The following RAB7A variants were observed in gnomAD, a reference collection of about 807,000 sequenced individuals.
The protein encoded by RAB7A is ras-related protein Rab-7a.
RAB7A carries 2 observed loss-of-function variants against 24.5 expected under a neutral mutation model. That is an observed-to-expected ratio of 0.08 (90% CI 0.03 to 0.26). The LOEUF (loss-of-function observed/expected upper bound fraction) is 0.26. RAB7A is among the 10% of genes least tolerant of loss of function. RAB7A has a pLI of 1.00. For missense variants in RAB7A, 118 were observed against 255.7 expected (o/e 0.46, Z 3.67); for synonymous variants, 100 against 95.9 (o/e 1.04, Z -0.25).
At chr3:128,762,636 T>G (rs1039015007) in intron 1 of RAB7A, among the ~76,000 whole-genome samples, 1 of 152,186 alleles carries the variant, frequency 6.6e-6, no homozygotes, top group African/African-American at 2.4e-5. Flanking sequence ...TTTGGAAGGT[T>G]TGCTTTGGGG....
intron 1 of RAB7A, among the ~76,000 whole-genome samples, chr3:128,768,969 CTTTTTTTTTTTTTTTT>C (rs35457218): frequency 2.8e-5 from 2 of 72,606 alleles, no homozygotes; most frequent in Admixed American, 1.9e-4. Flanking sequence ...TCTTTCTTTC[CTTTTTTTTTTTTTTTT>C]TTTTTTTTTT....
rs12489126 is a variant in RAB7A, at chr3:128,787,894, G to T, written c.-8-7466G>T. On this transcript the variant is annotated intron_variant, in intron 1 of 5. Coordinates refer to ENST00000265062, the MANE Select transcript of RAB7A (RefSeq NM_004637.6). The stretch of plus-strand genomic sequence containing the variant: ...GCCCAGGTAATGTATTAAATATTTT[G>T]TAGCGACTGGGTTTCAACATGTTGC... 0.02 allele frequency among the ~76,000 whole-genome samples: 2,988 copies of T among 152,262 alleles called. 401 individuals are homozygous for T. The East Asian group carries it at 0.38, about 19-fold the overall frequency.
At chr3:128,753,672 G>A (rs1238922876) in intron 1 of RAB7A, among the ~76,000 whole-genome samples, 1 of 152,144 alleles carries the variant, frequency 6.6e-6, no homozygotes, top group Non-Finnish European at 1.5e-5. Flanking sequence ...TTTCAAGATG[G>A]TCCCTTGTTT....
intron 1 of RAB7A, among the ~76,000 whole-genome samples, chr3:128,730,889 T>G (rs1158477628): frequency 6.6e-6 from 1 of 152,184 alleles, no homozygotes; most frequent in Non-Finnish European, 1.5e-5. Flanking sequence ...ACTTCTGGTG[T>G]CCTGGGACTG....
At chr3:128,798,425 G>A (rs1287288319) in intron 3 of RAB7A, 6 of 267,352 alleles carry the variant, frequency 2.2e-5, no homozygotes, top group Non-Finnish European at 4.4e-5. Context: ...CAGTGCTTTA[G>A]GTAAACATCT....
At chr3:128,802,032 C>T (rs902075409) in intron 3 of RAB7A, among the ~76,000 whole-genome samples, 1 of 152,154 alleles carries the variant, frequency 6.6e-6, no homozygotes, top group African/African-American at 2.4e-5. Context: ...AATAACCCTC[C>T]TGAATGAAAG....
chr3:128,809,620 C>A (rs1395538482), intron 5 of RAB7A, among the ~76,000 whole-genome samples: 1 of 152,160 alleles, frequency 6.6e-6, no homozygotes, highest in Non-Finnish European at 1.5e-5. Context: ...TTGGTTATGT[C>A]ATTTTAAGTT....
At chr3:128,793,063 G>A (rs1354665476) in intron 1 of RAB7A, among the ~76,000 whole-genome samples, 5 of 143,204 alleles carry the variant, frequency 3.5e-5, no homozygotes, top group African/African-American at 1.3e-4. Flanking sequence ...TCGCTCTGTC[G>A]CCTAGGCTGG....
At chr3:128,765,757 CTT>C (rs57347555) in intron 1 of RAB7A, among the ~76,000 whole-genome samples, 37,987 of 134,026 alleles carry the variant, frequency 0.28, 6,837 homozygotes, top group African/African-American at 0.51. Context: ...TCTACCTCTA[CTT>C]TTTTTTTTTT....
intron 1 of RAB7A, among the ~76,000 whole-genome samples, chr3:128,759,814 A>G (rs939141635): frequency 6.6e-6 from 1 of 151,402 alleles, no homozygotes; most frequent in Non-Finnish European, 1.5e-5. Context: ...GGTTCTAGCG[A>G]CTTCTCCTGT....
At chr3:128,751,131 T>A (rs945717051) in intron 1 of RAB7A, among the ~76,000 whole-genome samples, 3 of 152,224 alleles carry the variant, frequency 2.0e-5, no homozygotes, top group African/African-American at 7.2e-5. Flanking sequence ...AGGACTCTCA[T>A]GGAGAACCTC....
At chr3:128,785,085 A>G (rs1933308412) in intron 1 of RAB7A, 1 of 151,758 alleles carries the variant, frequency 6.6e-6, no homozygotes, top group Non-Finnish European at 1.5e-5. Flanking sequence ...AGCTGGGATT[A>G]CCAAATATTG....
intron 1 of RAB7A, chr3:128,785,034 C>G (rs1401993373): frequency 6.6e-6 from 1 of 151,834 alleles, no homozygotes; most frequent in Non-Finnish European, 1.5e-5. Flanking sequence ...AAACTTCTAC[C>G]CCCCAGGTTC....
intron 3 of RAB7A, among the ~76,000 whole-genome samples, chr3:128,802,844 G>A (rs571931062): frequency 3.3e-5 from 5 of 151,802 alleles, no homozygotes; most frequent in South Asian, 2.1e-4. Flanking sequence ...TCTCACTGTC[G>A]CCCAGGCTGG....
intron 1 of RAB7A, among the ~76,000 whole-genome samples, chr3:128,757,169 A>G (rs1391780778): frequency 6.6e-6 from 1 of 151,904 alleles, no homozygotes; most frequent in Non-Finnish European, 1.5e-5. Context: ...TACATACATC[A>G]CCACCACCTA....
chr3:128,787,699 C>T (rs1371079158), intron 1 of RAB7A, among the ~76,000 whole-genome samples: 1 of 152,140 alleles, frequency 6.6e-6, no homozygotes, highest in Non-Finnish European at 1.5e-5. Context: ...AAATACTATT[C>T]TTAAGTTTCT....
At chr3:128,730,667 C>G (rs1336975499) in intron 1 of RAB7A, among the ~76,000 whole-genome samples, 1 of 152,186 alleles carries the variant, frequency 6.6e-6, no homozygotes, top group Admixed American at 6.5e-5. Context: ...GTATCCCAGG[C>G]TGTGATTACA....
chr3:128,793,701 G>C (rs1933509463), intron 1 of RAB7A, among the ~76,000 whole-genome samples: 1 of 152,216 alleles, frequency 6.6e-6, no homozygotes. Context: ...ATAATGGATA[G>C]TTTGGGGTAT....
In RAB7A at chr3:128,814,425, CT is replaced by C. The variant is rs777387248; in HGVS notation, c.*1004del. On this transcript the variant is annotated 3_prime_UTR_variant, in exon 6 of 6. Transcript: ENST00000265062. ...TCATTTTCTTTCTTTTTTTTCCCCC[CT>C]GCTCCACACTTCAAAACTCCCGTTA... is the stretch of plus-strand genomic sequence containing the variant. The C allele has an allele frequency of 2.6e-5, 4 of 152,488 alleles. No individual in the cohort carries two copies. The highest frequency in any genetic ancestry group is 2.1e-4 in the South Asian group (1 of 4,836). The allele number at this position is 152,488 out of a possible 1,614,324, so 9.4% of individuals were successfully genotyped here.
Sources: allele counts gnomAD v4.1 joint callset (sites outside exome capture counted in the v4.1 genomes callset), GRCh38; gene constraint gnomAD v4.1.1; transcripts MANE v1.5; gene names NCBI Gene and HGNC (gene_info 2026-07-23, HGNC 2026-07-21).